Variants in PSMD12 observed in about 807,000 individuals in gnomAD.
PSMD12 encodes 26S proteasome non-ATPase regulatory subunit 12.
A neutral mutation model predicts 62.9 loss-of-function variants in PSMD12; 8 were observed. The ratio of observed to expected loss-of-function variants is 0.13; its 90% CI spans 0.07 to 0.23. The LOEUF is 0.23. PSMD12 is among the 10% of genes least tolerant of loss of function. The pLI, the probability that PSMD12 is intolerant of heterozygous loss-of-function variation, is 1.00. For missense variants in PSMD12, 424 were observed against 550.2 expected (o/e 0.77, Z 2.29); for synonymous variants, 173 against 187.4 (o/e 0.92, Z 0.63).
chr17:67,349,962 AT>A (rs946012255), intron 4 of PSMD12, among the ~76,000 whole-genome samples: 3 of 151,954 alleles, frequency 2.0e-5, no homozygotes, highest in African/African-American at 4.8e-5. Context: ...ATTTTTATTC[AT>A]TTTTTTTAAA....
At chr17:67,356,582 A>AAAAAAAAAAAG (rs2042076397) in intron 3 of PSMD12, among the ~76,000 whole-genome samples, 1 of 146,924 alleles carries the variant, frequency 6.8e-6, no homozygotes, top group African/African-American at 2.5e-5. Flanking sequence ...AAAAAAAAAA[A>AAAAAAAAAAAG]AAAAGAAAAT....
At chr17:67,351,658 G>T (rs1322037921) in intron 3 of PSMD12, among the ~76,000 whole-genome samples, 2 of 151,942 alleles carry the variant, frequency 1.3e-5, no homozygotes, top group Admixed American at 6.6e-5. Context: ...GGTGAGGTAT[G>T]GGCCTCTAGC....
chr17:67,361,911 G>GAAAA (rs2042133292), intron 1 of PSMD12, among the ~76,000 whole-genome samples: 3 of 64,564 alleles, frequency 4.6e-5, no homozygotes, highest in Admixed American at 1.8e-4. Flanking sequence ...AAAAAAAAAG[G>GAAAA]AAGGAAGGAA....
At chr17:67,357,859 GA>G (rs1392620079) in intron 1 of PSMD12, among the ~76,000 whole-genome samples, 1 of 151,788 alleles carries the variant, frequency 6.6e-6, no homozygotes, top group Non-Finnish European at 1.5e-5. Flanking sequence ...TAACACCTAA[GA>G]AAACATCAAG....
intron 3 of PSMD12, among the ~76,000 whole-genome samples, chr17:67,356,728 G>C (rs1251889075): frequency 1.6e-4 from 24 of 151,850 alleles, no homozygotes. Flanking sequence ...AATAAAAGTG[G>C]GGCTAGGCAC....
At chr17:67,348,803 G>A in intron 4 of PSMD12, 149 bp from the exon 5 acceptor site, 1 of 632,918 alleles carries the variant, frequency 1.6e-6, no homozygotes, top group East Asian at 2.9e-5. Context: ...TTTGAGACCA[G>A]CCTGGGAAAC....
intron 3 of PSMD12, 163 bp downstream of exon 3, chr17:67,357,140 A>C: frequency 2.8e-6 from 2 of 720,872 alleles, no homozygotes; most frequent in Non-Finnish European, 4.2e-6. Flanking sequence ...AAAAAACAGA[A>C]AACAGTCATA....
chr17:67,344,458 A>G, intron 9 of PSMD12, 148 bp downstream of exon 9: 1 of 761,536 alleles, frequency 1.3e-6, no homozygotes, highest in Non-Finnish European at 2.1e-6. Flanking sequence ...TAAGTGAAGA[A>G]TTAAACACAT....
chr17:67,351,415 A>ATAATAG (rs1243638283), intron 3 of PSMD12, among the ~76,000 whole-genome samples: 1 of 148,574 alleles, frequency 6.7e-6, no homozygotes, highest in East Asian at 1.9e-4. Context: ...AATAATAATA[A>ATAATAG]TAATAATAAT....
chr17:67,348,832 C>G (rs1438750040), intron 4 of PSMD12, among the ~76,000 whole-genome samples, 178 bp from the exon 5 acceptor site: 1 of 152,014 alleles, frequency 6.6e-6, no homozygotes, highest in African/African-American at 2.4e-5. Flanking sequence ...CCCGTCTCTA[C>G]TAAAAATCAA....
intron 3 of PSMD12, 160 bp downstream of exon 3, chr17:67,357,141 AAC>A: frequency 1.4e-6 from 1 of 722,664 alleles, no homozygotes. Flanking sequence ...AAAAACAGAA[AAC>A]AGTCATATCA....
chr17:67,347,275 T>C (rs943067175), intron 6 of PSMD12, 25 bp from the exon 7 acceptor site: 4 of 1,612,668 alleles, frequency 2.5e-6, no homozygotes, highest in Non-Finnish European at 3.4e-6. Flanking sequence ...ACAAAACAAA[T>C]TGGGGTTTAT....
intron 9 of PSMD12, among the ~76,000 whole-genome samples, chr17:67,344,252 T>C (rs1389575166): frequency 1.4e-4 from 21 of 152,228 alleles, no homozygotes; most frequent in Non-Finnish European, 2.9e-5. Context: ...GTTTATATAC[T>C]ATAAATTTTG....
chr17:67,346,636 T>C (rs2041969873), intron 7 of PSMD12, among the ~76,000 whole-genome samples: 1 of 152,188 alleles, frequency 6.6e-6, no homozygotes. Context: ...GGCTGCCTTT[T>C]CATAGTGTCT....
intron 8 of PSMD12, 47 bp from the exon 9 acceptor site, chr17:67,344,827 T>C (rs972364661): frequency 1.5e-6 from 2 of 1,378,958 alleles, no homozygotes; most frequent in East Asian, 2.5e-5. Flanking sequence ...AAAAATTAAG[T>C]ATTAACTAAT....
At chr17:67,361,970 G>C (rs1386759485) in intron 1 of PSMD12, among the ~76,000 whole-genome samples, 1 of 127,936 alleles carries the variant, frequency 7.8e-6, no homozygotes, top group African/African-American at 2.7e-5. Context: ...TTTAGGCCTA[G>C]TGTTCCATTA....
intron 1 of PSMD12, among the ~76,000 whole-genome samples, chr17:67,358,567 C>CAAAAAAAAAAAAAAAAAGAAAAAGAA (rs2042098991): frequency 1.3e-5 from 1 of 74,076 alleles, no homozygotes. Flanking sequence ...GAACCTGTCT[C>CAAAAAAAAAAAAAAAAAGAAAAAGAA]AAAAAAAAAA....
At chr17:67,361,793 A>G (rs753599968) in intron 1 of PSMD12, among the ~76,000 whole-genome samples, 6 of 148,584 alleles carry the variant, frequency 4.0e-5, no homozygotes, top group Non-Finnish European at 8.9e-5. Context: ...TAAGCCAGGT[A>G]CAGTGTTGTG....
At chr17:67,359,789 T>C (rs1432465789) in intron 1 of PSMD12, among the ~76,000 whole-genome samples, 2 of 152,154 alleles carry the variant, frequency 1.3e-5, no homozygotes, top group Admixed American at 6.5e-5. Flanking sequence ...GAAAGTTCTA[T>C]AGATTTATAT....
Sources: gnomAD v4.1 joint callset for allele counts (sites outside exome capture counted in the v4.1 genomes callset) on GRCh38, gnomAD v4.1.1 for gene constraint, MANE v1.5 for transcripts, NCBI Gene and HGNC (gene_info 2026-07-23, HGNC 2026-07-21) for gene names.